HPCAL1: variants seen among roughly 807,000 people sequenced by gnomAD.
HPCAL1 encodes the protein hippocalcin-like protein 1.
A neutral mutation model predicts 17.1 loss-of-function variants in HPCAL1; 8 were observed. That is an observed-to-expected ratio of 0.47 (90% CI 0.27 to 0.84). The LOEUF (loss-of-function observed/expected upper bound fraction) is 0.84. Among genes scored for constraint, HPCAL1 ranks in the 40% least tolerant of loss-of-function variants. HPCAL1 has a pLI of 0.13. For synonymous variants in HPCAL1, 112 were observed against 111.4 expected (o/e 1.01, Z -0.03); for missense variants, 165 against 271.1 (o/e 0.61, Z 2.75).
chr2:10,404,972 A>C (rs920568557), intron 2 of HPCAL1, among the ~76,000 whole-genome samples: 5 of 152,208 alleles, frequency 3.3e-5, no homozygotes, highest in African/African-American at 1.2e-4. Flanking sequence ...TCGGCTCCCA[A>C]GATGGCCGCC....
intron 1 of HPCAL1, among the ~76,000 whole-genome samples, chr2:10,378,853 A>G (rs1003142280): frequency 8.5e-5 from 13 of 152,154 alleles, no homozygotes; most frequent in African/African-American, 2.9e-4. Context: ...AAACAATTAT[A>G]ATGCATAATC....
chr2:10,364,586 C>T (rs1666729761), intron 1 of HPCAL1, among the ~76,000 whole-genome samples: 2 of 143,764 alleles, frequency 1.4e-5, no homozygotes, highest in Admixed American at 7.0e-5. Context: ...CTCCCGCCTC[C>T]TTTTTTTTTT....
At chr2:10,409,785 T>G (rs988688080) in intron 2 of HPCAL1, among the ~76,000 whole-genome samples, 28 of 92,904 alleles carry the variant, frequency 3.0e-4, no homozygotes, top group African/African-American at 8.8e-4. Flanking sequence ...GTCTTTTTTT[T>G]TTTTTTTTTT....
intron 2 of HPCAL1, among the ~76,000 whole-genome samples, chr2:10,410,799 G>A (rs1670307975): frequency 6.6e-6 from 1 of 152,010 alleles, no homozygotes; most frequent in Admixed American, 6.5e-5. Flanking sequence ...TGGGAAACGT[G>A]AGTGGTGGCT....
At chr2:10,309,842 G>A (rs1251598615) in intron 1 of HPCAL1, among the ~76,000 whole-genome samples, 2 of 152,174 alleles carry the variant, frequency 1.3e-5, no homozygotes, top group African/African-American at 4.8e-5. Context: ...CACAGAAATT[G>A]TATACCCATT....
intron 1 of HPCAL1, among the ~76,000 whole-genome samples, chr2:10,312,293 T>A (rs1354575302): frequency 6.9e-6 from 1 of 143,890 alleles, no homozygotes; most frequent in African/African-American, 2.6e-5. Context: ...CATCATCACC[T>A]TTCTCCATCA....
At chr2:10,349,458 A>G (rs1024445387) in intron 1 of HPCAL1, among the ~76,000 whole-genome samples, 4 of 151,450 alleles carry the variant, frequency 2.6e-5, no homozygotes, top group African/African-American at 9.7e-5. Context: ...CTGTAATCGC[A>G]GCACTTTGGG....
At chr2:10,421,065 G>T (rs1671033662) in intron 3 of HPCAL1, among the ~76,000 whole-genome samples, 1 of 152,192 alleles carries the variant, frequency 6.6e-6, no homozygotes, top group African/African-American at 2.4e-5. Flanking sequence ...GCCAAGAATT[G>T]TATGATTGCT....
Position 10,377,830 on chromosome 2 carries a change from G to T in HPCAL1, c.-110-19005G>T, listed in dbSNP as rs186147946. 6.6e-6 allele frequency among the ~76,000 whole-genome samples: 1 copy of T among 152,220 alleles called. No individual in the cohort carries two copies. The highest frequency in any genetic ancestry group is 1.5e-5 in the Non-Finnish European group (1 of 68,022). On this transcript the variant is annotated intron_variant, in intron 1 of 4. Transcript: ENST00000307845. This position sits in a 1 kb window ranked among gnomAD's most constrained non-coding sequence, Gnocchi z 5.9. The stretch of plus-strand genomic sequence containing the variant: ...CATCCCCAGGGTGGTGAGCCACCGA[G>T]GGGGGCCAGGCACGGGGGAGGGTAT...
intron 1 of HPCAL1, among the ~76,000 whole-genome samples, chr2:10,333,532 G>A (rs1248379504): frequency 6.6e-6 from 1 of 152,148 alleles, no homozygotes; most frequent in South Asian, 2.1e-4. Context: ...TTCCCACGTG[G>A]GCAGCTGTGT....
At chr2:10,334,477 C>T (rs555152186) in intron 1 of HPCAL1, among the ~76,000 whole-genome samples, 3 of 151,932 alleles carry the variant, frequency 2.0e-5, no homozygotes, top group South Asian at 4.2e-4. Context: ...CACTGTACTC[C>T]AGCCTGGATG....
intron 1 of HPCAL1, among the ~76,000 whole-genome samples, chr2:10,388,960 C>A (rs1311730922): frequency 1.3e-5 from 2 of 152,124 alleles, no homozygotes; most frequent in African/African-American, 4.8e-5. Context: ...CGAGCCAGAC[C>A]TGCCTCTGCT....
At chr2:10,347,769 A>G (rs1661490508) in intron 1 of HPCAL1, among the ~76,000 whole-genome samples, 1 of 152,088 alleles carries the variant, frequency 6.6e-6, no homozygotes, top group Non-Finnish European at 1.5e-5. Flanking sequence ...CCTGGCACGG[A>G]GTATGGGCCA....
At chr2:10,391,320 G>C (rs1469424973) in intron 1 of HPCAL1, among the ~76,000 whole-genome samples, 1 of 152,206 alleles carries the variant, frequency 6.6e-6, no homozygotes, top group African/African-American at 2.4e-5. Context: ...TCCCCTGGAA[G>C]CTCTACACTC....
At chr2:10,422,126 A>T (rs1327217109) in intron 3 of HPCAL1, among the ~76,000 whole-genome samples, 4 of 152,136 alleles carry the variant, frequency 2.6e-5, no homozygotes, top group African/African-American at 9.7e-5. Context: ...TCCAAACGGG[A>T]CAGCCCCCAA....
In HPCAL1 at chr2:10,307,116, G is replaced by T. The variant is rs6719495; in HGVS notation, c.-111+3939G>T. On this transcript the variant is annotated intron_variant, in intron 1 of 4. Transcript: ENST00000307845. ...TGGAGGTGTCTTAGCCCCACCTGTG[G>T]CATGAGACAAGAGGTCTTCTCCAGC... Among the ~76,000 whole-genome samples, 1,440 of 151,096 alleles carry T rather than the reference G, an allele frequency of 9.5e-3. 20 individuals are homozygous for T. Among genetic ancestry groups the T allele is most frequent in the African/African-American group, 0.034 (1,380 of 41,064 alleles).
At chr2:10,364,289 T>C (rs1397456120) in intron 1 of HPCAL1, among the ~76,000 whole-genome samples, 2 of 151,924 alleles carry the variant, frequency 1.3e-5, no homozygotes, top group Non-Finnish European at 2.9e-5. Context: ...GAAGCTGAGG[T>C]TGTTTTCTTG....
chr2:10,422,404 A>T (rs1031237097), intron 3 of HPCAL1, among the ~76,000 whole-genome samples: 1 of 152,166 alleles, frequency 6.6e-6, no homozygotes, highest in Admixed American at 6.5e-5. Context: ...CACCAGCAGC[A>T]CAGAGTCACA....
intron 1 of HPCAL1, among the ~76,000 whole-genome samples, chr2:10,332,931 G>T (rs1033620838): frequency 1.4e-5 from 2 of 148,090 alleles, no homozygotes; most frequent in African/African-American, 5.0e-5. Context: ...CAGAAAGAGG[G>T]CTCAGAGGAG....
Sources: allele counts gnomAD v4.1 joint callset (sites outside exome capture counted in the v4.1 genomes callset), GRCh38; gene constraint gnomAD v4.1.1; non-coding constraint Gnocchi (gnomAD v3.1); transcripts MANE v1.5; gene names NCBI Gene and HGNC (gene_info 2026-07-23, HGNC 2026-07-21).